Variants in GCNT2 observed in about 807,000 individuals in gnomAD.
GCNT2 encodes the protein glucosaminyl (N-acetyl) transferase 2 (I blood group).
GCNT2 carries 34 observed loss-of-function variants against 34.2 expected under a neutral mutation model. That is an observed-to-expected ratio of 1.00 (90% confidence interval 0.76 to 1.32). The LOEUF (loss-of-function observed/expected upper bound fraction) is 1.32, where lower values mean the gene tolerates loss of function less well. Ranked by LOEUF, GCNT2 falls within the 40% of genes most tolerant of loss-of-function variation. The pLI, the probability that GCNT2 is intolerant of heterozygous loss-of-function variation, is 0.00. For missense variants in GCNT2, 584 were observed against 489.4 expected, an observed-to-expected ratio of 1.19 and a Z score of -1.82; for synonymous variants, 212 against 188.0, an observed-to-expected ratio of 1.13 and a Z score of -1.04.
At chr6:10,521,638 A>T (rs1760919498) in intron 1 of GCNT2, 1 of 149,028 alleles carries the variant, frequency 6.7e-6, no homozygotes, top group Non-Finnish European at 1.5e-5. Flanking sequence ...TGGTCATGAG[A>T]TTTCTGTTTT....
At chr6:10,545,274 G>C (rs1762221599) in intron 3 of GCNT2, among the ~76,000 whole-genome samples, 1 of 152,054 alleles carries the variant, frequency 6.6e-6, no homozygotes, top group African/African-American at 2.4e-5. Context: ...TTTTGCAAGA[G>C]CTGTGCCTTG....
chr6:10,588,785 A>ATGTGTG lies in GCNT2; in HGVS notation c.926-32547_926-32542dup, dbSNP rs60988454. Reference sequence around the variant, plus strand: ...GTGGTGTGTTTGTAGTGTGTGTGTGATGTGTGTGTGTGTGTGTGTGTGTGG... The same window carrying ATGTGTG: ...GTGGTGTGTTTGTAGTGTGTGTGTGATGTGTGTGTGTGTGTGTGTGTGTGTGTGTGG... On this transcript the variant is annotated intron_variant, in intron 3 of 4. Transcript: ENST00000495262. Among the ~76,000 whole-genome samples the ATGTGTG allele has an allele frequency of 8.9e-5, 12 of 135,268 alleles. No individual in the cohort carries two copies. The South Asian group carries it at 1.2e-3, about 13-fold the overall frequency. 88.7% of individuals were successfully genotyped at this position (135,268 alleles called of 152,430 possible).
intron 3 of GCNT2, among the ~76,000 whole-genome samples, chr6:10,616,255 A>T (rs1478495014): frequency 6.6e-6 from 1 of 152,188 alleles, no homozygotes; most frequent in African/African-American, 2.4e-5. Flanking sequence ...TGCTGGCTTC[A>T]GGAGTAAAGT....
At chr6:10,591,577 T>C (rs762428835) in intron 3 of GCNT2, among the ~76,000 whole-genome samples, 5 of 152,166 alleles carry the variant, frequency 3.3e-5, no homozygotes, top group Non-Finnish European at 7.3e-5. Context: ...CAAGAGAAAG[T>C]CACAGCAGGC....
intron 1 of GCNT2, among the ~76,000 whole-genome samples, chr6:10,526,035 C>G (rs533487951): frequency 6.6e-6 from 1 of 152,048 alleles, no homozygotes; most frequent in Non-Finnish European, 1.5e-5. Context: ...TTAATCATTC[C>G]TATAGTATTT....
At position 10,586,805 on chromosome 6, in the gene GCNT2, C is replaced by G. The variant is rs539351; in HGVS notation, c.926-34546C>G. The G allele has an allele frequency of 1, 1,609,264 of 1,614,118 alleles. 802,374 individuals carry two copies. Among genetic ancestry groups the G allele is most frequent in the Non-Finnish European group, 1 (1,179,635 of 1,179,940 alleles). The stretch of plus-strand genomic sequence containing the variant: ...CTGCCTATGTGGCGCTTACCAGAGA[C>G]TTTGTCGACTTTGTTCTACGTGACC... On this transcript the variant is annotated intron_variant, in intron 3 of 4. Transcript: ENST00000495262.
intron 3 of GCNT2, among the ~76,000 whole-genome samples, chr6:10,612,537 A>T (rs1200413284): frequency 6.6e-6 from 1 of 152,204 alleles, no homozygotes; most frequent in Admixed American, 6.5e-5. Context: ...GCTTTAGATT[A>T]TAGTAAAAAA....
At chr6:10,573,106 C>T (rs1210734725) in intron 3 of GCNT2, 2 of 818,528 alleles carry the variant, frequency 2.4e-6, no homozygotes, top group African/African-American at 1.9e-5. Flanking sequence ...TATTTTAAGA[C>T]TTTTGTTTCC....
intron 3 of GCNT2, among the ~76,000 whole-genome samples, chr6:10,568,505 T>C (rs1250495252): frequency 6.6e-6 from 1 of 152,248 alleles, no homozygotes; most frequent in Non-Finnish European, 1.5e-5. Flanking sequence ...GTGGTCTCTC[T>C]GGCCCGAGTC....
intron 3 of GCNT2, among the ~76,000 whole-genome samples, chr6:10,589,097 T>C (rs928060741): frequency 8.6e-6 from 1 of 116,890 alleles, no homozygotes; most frequent in African/African-American, 2.9e-5. Context: ...GTGTGGTGTG[T>C]GTGTAGTGTG....
At chr6:10,521,901 A>T (rs576522823) in intron 1 of GCNT2, among the ~76,000 whole-genome samples, 10 of 145,732 alleles carry the variant, frequency 6.9e-5, no homozygotes, top group South Asian at 2.2e-4. Context: ...TGGCATTTAA[A>T]TTTTTTTTTT....
At chr6:10,600,677 T>A (rs1016681561) in intron 3 of GCNT2, among the ~76,000 whole-genome samples, 2 of 152,224 alleles carry the variant, frequency 1.3e-5, no homozygotes, top group African/African-American at 2.4e-5. Context: ...CTGCTGCTTC[T>A]TCTTTCTTTT....
At chr6:10,595,953 G>A (rs1393478308) in intron 3 of GCNT2, among the ~76,000 whole-genome samples, 1 of 152,196 alleles carries the variant, frequency 6.6e-6, no homozygotes, top group African/African-American at 2.4e-5. Flanking sequence ...GAAAATGTAT[G>A]ACAAATCTTT....
chr6:10,595,976 T>C (rs1407382748), intron 3 of GCNT2, among the ~76,000 whole-genome samples: 2 of 152,212 alleles, frequency 1.3e-5, no homozygotes, highest in Admixed American at 6.5e-5. Flanking sequence ...GTTGACACTA[T>C]AATTCTCATA....
intron 3 of GCNT2, chr6:10,556,668 T>C: frequency 6.2e-7 from 1 of 1,614,154 alleles, no homozygotes; most frequent in Non-Finnish European, 8.5e-7. Flanking sequence ...AGCCACTACA[T>C]CACAGCCCCT....
chr6:10,522,965 C>A (rs188207653), intron 1 of GCNT2, among the ~76,000 whole-genome samples: 1 of 152,196 alleles, frequency 6.6e-6, no homozygotes, highest in South Asian at 2.1e-4. Flanking sequence ...TGGCTTCTCC[C>A]GGAGACCCTG....
At position 10,626,997 on chromosome 6, in the gene GCNT2, A is replaced by G. The variant is rs975639214; in HGVS notation, c.*390A>G. On this transcript the variant is annotated 3_prime_UTR_variant, in exon 5 of 5. Transcript: ENST00000495262. ...GAAAATAAGAATTAGGTTTCTTTGA[A>G]GAAGGAATCTTTTATAACACCTTAA... The G allele has an allele frequency of 9.5e-6, 2 of 209,914 alleles. No individual in the cohort carries two copies. The highest frequency in any genetic ancestry group is 4.6e-5 in the African/African-American group (2 of 43,402). The allele number at this position is 209,914 out of a possible 1,614,324, so 13.0% of individuals were successfully genotyped here. A position where few individuals can be genotyped will look rare whatever the true frequency, so the allele number is the denominator to read the frequency against.
intron 3 of GCNT2, among the ~76,000 whole-genome samples, chr6:10,561,019 C>A (rs1762953928): frequency 6.6e-6 from 1 of 152,220 alleles, no homozygotes; most frequent in Admixed American, 6.5e-5. Flanking sequence ...CGTTACAGAG[C>A]ATCAGGCTGT....
At chr6:10,618,134 G>T (rs1270368948) in intron 3 of GCNT2, among the ~76,000 whole-genome samples, 1 of 152,162 alleles carries the variant, frequency 6.6e-6, no homozygotes, top group Non-Finnish European at 1.5e-5. Context: ...GCAAGGCTTT[G>T]TGCCCACTCC....
Sources: gnomAD v4.1 joint callset for allele counts (sites outside exome capture counted in the v4.1 genomes callset) on GRCh38, gnomAD v4.1.1 for gene constraint, MANE v1.5 for transcripts, NCBI Gene and HGNC (gene_info 2026-07-23, HGNC 2026-07-21) for gene names.